The following SLC4A4 variants were observed in gnomAD, a reference collection of about 807,000 sequenced individuals.
SLC4A4 encodes the protein solute carrier family 4 member 4, also known as electrogenic sodium bicarbonate cotransporter 1.
A neutral mutation model predicts 111.5 loss-of-function variants in SLC4A4; 27 were observed. The observed-to-expected ratio is 0.24, with a 90% CI of 0.18 to 0.33. The LOEUF (loss-of-function observed/expected upper bound fraction) is 0.33. SLC4A4 is among the 10% of genes least tolerant of loss of function. The pLI is 1.00. For synonymous variants in SLC4A4, 443 were observed against 463.4 expected (o/e 0.96, Z 0.57); for missense variants, 909 against 1,315.5 (o/e 0.69, Z 4.78).
At chr4:71,498,117 G>A (rs749875721) in intron 16 of SLC4A4, among the ~76,000 whole-genome samples, 2 of 152,104 alleles carry the variant, frequency 1.3e-5, no homozygotes, top group Non-Finnish European at 2.9e-5. Flanking sequence ...TGAATTATGG[G>A]CTGTGGGAGT....
chr4:71,332,882 T>A (rs1728130881), intron 3 of SLC4A4, among the ~76,000 whole-genome samples: 2 of 152,242 alleles, frequency 1.3e-5, no homozygotes, highest in South Asian at 4.1e-4. Context: ...TTTCAATCTC[T>A]TTGTTAAAGT....
At chr4:71,332,535 T>C (rs942186508) in intron 3 of SLC4A4, among the ~76,000 whole-genome samples, 6 of 151,570 alleles carry the variant, frequency 4.0e-5, no homozygotes, top group South Asian at 2.1e-4. Flanking sequence ...AGCTCCGCCT[T>C]CCGGGTTCAC....
intron 2 of SLC4A4, among the ~76,000 whole-genome samples, chr4:71,250,670 T>C (rs1289556720): frequency 6.6e-6 from 1 of 152,164 alleles, no homozygotes; most frequent in African/African-American, 2.4e-5. Flanking sequence ...CTCTATATGC[T>C]CACTACGGGT....
chr4:71,226,527 T>C (rs1466195208), intron 1 of SLC4A4, among the ~76,000 whole-genome samples: 1 of 152,186 alleles, frequency 6.6e-6, no homozygotes, highest in Non-Finnish European at 1.5e-5. Context: ...AGCTAAGATC[T>C]AATGTTAGTC....
At chr4:71,532,211 C>G (rs777159963) in intron 17 of SLC4A4, 36 bp downstream of exon 17, 39 of 1,161,642 alleles carry the variant, frequency 3.4e-5, no homozygotes, top group Non-Finnish European at 4.2e-5. Flanking sequence ...ATTCCTGGAA[C>G]TCTTTTTCTT....
Position 71,548,483 on chromosome 4 carries a change from ATTTT to A in SLC4A4, c.2694+764_2694+767del, listed in dbSNP as rs1560610539. Among the ~76,000 whole-genome samples, 13 of 151,780 alleles carry A rather than the reference ATTTT, an allele frequency of 8.6e-5. No individual in the cohort carries two copies. The East Asian group carries it at 2.3e-3, about 27-fold the overall frequency. On this transcript the variant is annotated intron_variant, in intron 20 of 25. Transcript: ENST00000264485. ...TGTATACCTCTTCATGAAGTTTCCA[ATTTT>A]CTTTTATGATGCAAACATTTTATTT...
At chr4:71,213,272 T>C (rs1718240521) in intron 1 of SLC4A4, among the ~76,000 whole-genome samples, 1 of 152,230 alleles carries the variant, frequency 6.6e-6, no homozygotes, top group South Asian at 2.1e-4. Flanking sequence ...TCCCTTCCTT[T>C]ATTGTCATTA....
intron 16 of SLC4A4, among the ~76,000 whole-genome samples, chr4:71,499,877 A>G (rs997284862): frequency 3.3e-5 from 5 of 152,194 alleles, no homozygotes; most frequent in African/African-American, 1.2e-4. Context: ...GAATAATGCT[A>G]CAAAGAACAT....
intron 3 of SLC4A4, among the ~76,000 whole-genome samples, chr4:71,281,167 G>T (rs1374201836): frequency 6.6e-6 from 1 of 152,168 alleles, no homozygotes. Flanking sequence ...TTAACTTTGA[G>T]TTAGACAATG....
intron 2 of SLC4A4, among the ~76,000 whole-genome samples, chr4:71,134,261 C>G (rs1417902945): frequency 6.6e-6 from 1 of 152,310 alleles, no homozygotes; most frequent in East Asian, 1.9e-4. Context: ...AAGCTATACT[C>G]CCAGATTCCT....
At chr4:71,545,611 G>C (rs370109239) in intron 18 of SLC4A4, among the ~76,000 whole-genome samples, 5 of 151,974 alleles carry the variant, frequency 3.3e-5, no homozygotes, top group Admixed American at 3.3e-4. Context: ...CTTCCAGTCA[G>C]TAAATGTTAT....
intron 2 of SLC4A4, among the ~76,000 whole-genome samples, chr4:71,237,780 C>T (rs919187051): frequency 1.3e-5 from 2 of 152,092 alleles, no homozygotes; most frequent in Non-Finnish European, 2.9e-5. Flanking sequence ...AGAGGATTGG[C>T]GCCTCCACCC....
chr4:71,541,115 C>T (rs1046904021), intron 18 of SLC4A4, among the ~76,000 whole-genome samples: 12 of 152,244 alleles, frequency 7.9e-5, no homozygotes, highest in African/African-American at 1.2e-4. Context: ...CATTGCCAAA[C>T]GTCCCTTGGG....
chr4:71,511,494 G>A (rs1159888349), intron 16 of SLC4A4, among the ~76,000 whole-genome samples: 2 of 151,810 alleles, frequency 1.3e-5, no homozygotes, highest in Non-Finnish European at 2.9e-5. Context: ...ATAAAGCTGA[G>A]TGCTAATTTT....
intron 2 of SLC4A4, among the ~76,000 whole-genome samples, chr4:71,156,576 GCGCGCGCGCGCGCACACA>G (rs1744474301): frequency 1.0e-5 from 1 of 96,792 alleles, no homozygotes; most frequent in Non-Finnish European, 1.9e-5. Context: ...GCGCGCATGC[GCGCGCGCGCGCGCACACA>G]CACACACACA....
In SLC4A4 at chr4:71,202,182, C is replaced by T. The variant is rs569856699; in HGVS notation, c.-2+14781C>T. Among the ~76,000 whole-genome samples, 3 of 152,330 alleles carry T rather than the reference C, an allele frequency of 2.0e-5. No individual in the cohort carries two copies. In the East Asian group the frequency reaches 5.8e-4, roughly 29 times the overall value. The stretch of plus-strand genomic sequence containing the variant: ...AAATTGCTTTATTTCTTAAACATTT[C>T]AGAATCATTCATTTCCGTATTTAAA... On this transcript the variant is annotated intron_variant, in intron 1 of 25. Coordinates refer to ENST00000264485, the MANE Select transcript of SLC4A4 (RefSeq NM_001098484.3).
intron 1 of SLC4A4, among the ~76,000 whole-genome samples, chr4:71,232,956 G>A (rs1039374495): frequency 6.6e-6 from 1 of 152,226 alleles, no homozygotes; most frequent in Admixed American, 6.5e-5. Context: ...TTCTAAAGGG[G>A]AGCTGGCACT....
intron 2 of SLC4A4, among the ~76,000 whole-genome samples, chr4:71,130,425 A>AG (rs1380634462): frequency 6.6e-6 from 1 of 152,076 alleles, no homozygotes; most frequent in Non-Finnish European, 1.5e-5. Flanking sequence ...TTTGTAGAGA[A>AG]GGGGGTCTCA....
At chr4:71,335,710 A>T (rs1320767696) in intron 3 of SLC4A4, among the ~76,000 whole-genome samples, 2 of 152,066 alleles carry the variant, frequency 1.3e-5, no homozygotes, top group Admixed American at 6.6e-5. Context: ...CTGTAGTCCC[A>T]GCTACTCAGG....
Sources: allele counts gnomAD v4.1 joint callset (sites outside exome capture counted in the v4.1 genomes callset), GRCh38; gene constraint gnomAD v4.1.1; transcripts MANE v1.5; gene names NCBI Gene and HGNC (gene_info 2026-07-23, HGNC 2026-07-21).